RANBP2: variants seen among roughly 807,000 people sequenced by gnomAD.
RANBP2 encodes E3 SUMO-protein ligase RanBP2.
Under a neutral mutation model 303.6 loss-of-function variants are expected in RANBP2, and 57 were observed. That is an observed-to-expected ratio of 0.19 (90% CI 0.15 to 0.23). The LOEUF (loss-of-function observed/expected upper bound fraction) is 0.23, where lower values mean the gene tolerates loss of function less well. Among genes scored for constraint, RANBP2 ranks in the 10% least tolerant of loss-of-function variants. RANBP2 has a pLI of 1.00. For synonymous variants in RANBP2, 1,167 were observed against 1,301.5 expected (o/e 0.90, Z 2.23); for missense variants, 3,138 against 3,780.8 (o/e 0.83, Z 4.46).
At chr2:109,489,654 C>T in the RANBP2 span, among the ~76,000 whole-genome samples, 1 of 150,764 alleles carries the variant, frequency 6.6e-6, no homozygotes, top group Non-Finnish European at 1.5e-5. Flanking sequence ...ACTGGCCTGC[C>T]CTGGGGGCCT....
chr2:109,368,744 G>A, the RANBP2 span, among the ~76,000 whole-genome samples: 5 of 149,560 alleles, frequency 3.3e-5, no homozygotes, highest in Admixed American at 6.7e-5. Flanking sequence ...AAGAAAGAAC[G>A]AAAGAAACAA....
the RANBP2 span, among the ~76,000 whole-genome samples, chr2:109,603,400 A>G: frequency 6.6e-6 from 1 of 151,928 alleles, no homozygotes; most frequent in East Asian, 1.9e-4. Flanking sequence ...ACGCCTGGCT[A>G]ATTTTTTTCT....
chr2:109,599,544 G>A, the RANBP2 span, among the ~76,000 whole-genome samples: 1 of 152,002 alleles, frequency 6.6e-6, no homozygotes, highest in Non-Finnish European at 1.5e-5. Flanking sequence ...CAGTGTGCAT[G>A]GCCTGTTTGC....
At chr2:109,341,648 A>AC in the RANBP2 span, among the ~76,000 whole-genome samples, 1 of 152,168 alleles carries the variant, frequency 6.6e-6, no homozygotes, top group South Asian at 2.1e-4. Context: ...CTGCAAGGTC[A>AC]CCCCAAGACC....
chr2:108,868,890 C>G, the RANBP2 span, among the ~76,000 whole-genome samples: 1 of 151,850 alleles, frequency 6.6e-6, no homozygotes, highest in African/African-American at 2.4e-5. Flanking sequence ...CATGAAGTGC[C>G]TACCTTTTGT....
At chr2:109,387,811 G>T in the RANBP2 span, among the ~76,000 whole-genome samples, 2 of 152,156 alleles carry the variant, frequency 1.3e-5, no homozygotes, top group Non-Finnish European at 2.9e-5. Context: ...GCCTGCAGTA[G>T]GTGCCCAATT....
the RANBP2 span, among the ~76,000 whole-genome samples, chr2:109,061,294 C>T: frequency 1.1e-4 from 16 of 152,224 alleles, no homozygotes; most frequent in Non-Finnish European, 1.9e-4. Context: ...CTTGAAGCAA[C>T]ATTTCTGGGA....
At chr2:109,709,772 T>C in the RANBP2 span, among the ~76,000 whole-genome samples, 57 of 152,250 alleles carry the variant, frequency 3.7e-4, no homozygotes, top group Middle Eastern at 0.01. Flanking sequence ...GTGGGCAAAT[T>C]AGAGAAACAA....
chr2:108,870,810 G>A, the RANBP2 span, among the ~76,000 whole-genome samples: 1 of 152,174 alleles, frequency 6.6e-6, no homozygotes, highest in Non-Finnish European at 1.5e-5. Flanking sequence ...CAGGTGTTGG[G>A]GAAGAGGGAA....
At chr2:108,849,002 G>C in the RANBP2 span, among the ~76,000 whole-genome samples, 1 of 152,086 alleles carries the variant, frequency 6.6e-6, no homozygotes, top group African/African-American at 2.4e-5. Flanking sequence ...AGGAAAACAT[G>C]AGCCTGGTAA....
chr2:109,678,276 C>A, the RANBP2 span, among the ~76,000 whole-genome samples: 4 of 152,240 alleles, frequency 2.6e-5, no homozygotes, highest in African/African-American at 7.2e-5. Flanking sequence ...AATATTCACA[C>A]CCAAGAACTA....
chr2:109,080,306 G>T, the RANBP2 span, among the ~76,000 whole-genome samples: 2 of 152,174 alleles, frequency 1.3e-5, no homozygotes, highest in Admixed American at 6.5e-5. Flanking sequence ...GTTGAGGCTG[G>T]GAAGTGGCGG....
At chr2:109,441,593 C>A in the RANBP2 span, among the ~76,000 whole-genome samples, 2 of 152,194 alleles carry the variant, frequency 1.3e-5, no homozygotes, top group Non-Finnish European at 2.9e-5. Context: ...AATTGGAGGT[C>A]TCCAATGTAG....
chr2:109,413,867 C>T, the RANBP2 span, among the ~76,000 whole-genome samples: 152 of 152,330 alleles, frequency 1.0e-3, 1 homozygote, highest in Non-Finnish European at 3.2e-4. Context: ...TGGGGTCTTC[C>T]GCATCCCATG....
At chr2:109,082,371 G>C in the RANBP2 span, among the ~76,000 whole-genome samples, 15 of 151,892 alleles carry the variant, frequency 9.9e-5, no homozygotes, top group Non-Finnish European at 2.2e-4. Context: ...TGCTATCTTG[G>C]CTCACTGCAA....
chr2:108,873,982 A>G, the RANBP2 span, among the ~76,000 whole-genome samples: 1 of 152,190 alleles, frequency 6.6e-6, no homozygotes, highest in African/African-American at 2.4e-5. Context: ...CTAAGACCAC[A>G]TATTTAGTGA....
At chr2:108,780,003 G>A (rs1678131551) in intron 25 of RANBP2, among the ~76,000 whole-genome samples, 2 of 152,024 alleles carry the variant, frequency 1.3e-5, no homozygotes, top group South Asian at 4.1e-4. Flanking sequence ...TTCAAGGTGG[G>A]TACTTGAAAT....
chr2:109,486,790 G>A, the RANBP2 span, among the ~76,000 whole-genome samples: 6 of 152,316 alleles, frequency 3.9e-5, no homozygotes, highest in East Asian at 1.2e-3. Flanking sequence ...TTCCAGAAGA[G>A]AGACATCCCA....
chr2:109,424,501 C>T, the RANBP2 span, among the ~76,000 whole-genome samples: 6 of 152,156 alleles, frequency 3.9e-5, no homozygotes, highest in Non-Finnish European at 7.3e-5. Context: ...ATTGAAGCTT[C>T]GGGGCAACCC....
Sources: allele counts gnomAD v4.1 joint callset (sites outside exome capture counted in the v4.1 genomes callset), GRCh38; gene constraint gnomAD v4.1.1; transcripts MANE v1.5; gene names NCBI Gene and HGNC (gene_info 2026-07-23, HGNC 2026-07-21).